Variants in MARCHF1 observed in about 807,000 individuals in gnomAD.
MARCHF1 encodes the protein membrane associated ring-CH-type finger 1, also known as E3 ubiquitin-protein ligase MARCHF1.
In MARCHF1, 40 loss-of-function variants were observed where a neutral mutation model predicts 54.2. That is an observed-to-expected ratio of 0.74 (90% confidence interval 0.57 to 0.96). MARCHF1 has a LOEUF of 0.96. Ranked by LOEUF, MARCHF1 falls within the 40% of genes least tolerant of loss-of-function variation. MARCHF1 has a pLI of 0.00. For missense variants in MARCHF1, 586 were observed against 656.5 expected (o/e 0.89, Z 1.17); for synonymous variants, 236 against 236.3 (o/e 1.00, Z 0.01).
chr4:164,220,399 A>G (rs1256908331), intron 1 of MARCHF1, among the ~76,000 whole-genome samples: 1 of 146,910 alleles, frequency 6.8e-6, no homozygotes, highest in East Asian at 2.0e-4. Context: ...GTATATAGGA[A>G]TTCCATTTTA....
intron 4 of MARCHF1, among the ~76,000 whole-genome samples, chr4:163,726,634 A>G (rs916330398): frequency 2.6e-5 from 4 of 152,204 alleles, no homozygotes; most frequent in Admixed American, 6.5e-5. Flanking sequence ...AAGAAGCACA[A>G]TTACTAGACT....
intron 3 of MARCHF1, among the ~76,000 whole-genome samples, chr4:163,962,961 C>A (rs1037670950): frequency 6.6e-6 from 1 of 151,836 alleles, no homozygotes; most frequent in Non-Finnish European, 1.5e-5. Context: ...TCAATACATT[C>A]TAAAAAATAT....
intron 1 of MARCHF1, among the ~76,000 whole-genome samples, chr4:164,264,852 G>A (rs535762201): frequency 6.6e-6 from 1 of 151,592 alleles, no homozygotes; most frequent in South Asian, 2.1e-4. Flanking sequence ...CCCAGGAGGT[G>A]GAGTTTACAG....
chr4:164,351,478 G>A (rs1730331461), intron 1 of MARCHF1, among the ~76,000 whole-genome samples: 1 of 151,344 alleles, frequency 6.6e-6, no homozygotes, highest in Non-Finnish European at 1.5e-5. Context: ...AGCCTAACTG[G>A]GAGGCACCCC....
chr4:163,574,274 C>T (rs1353532193), intron 8 of MARCHF1, among the ~76,000 whole-genome samples: 1 of 152,096 alleles, frequency 6.6e-6, no homozygotes, highest in African/African-American at 2.4e-5. Flanking sequence ...TGCCTGTTCA[C>T]TCTGATGGTA....
chr4:163,632,572 C>A (rs1162902702), intron 5 of MARCHF1, among the ~76,000 whole-genome samples: 1 of 152,226 alleles, frequency 6.6e-6, no homozygotes, highest in Non-Finnish European at 1.5e-5. Flanking sequence ...AAGATTATAT[C>A]CCGCACCTGG....
intron 4 of MARCHF1, among the ~76,000 whole-genome samples, chr4:163,846,973 G>C (rs1749500183): frequency 1.3e-5 from 2 of 152,102 alleles, no homozygotes; most frequent in African/African-American, 4.8e-5. Flanking sequence ...GAGAATGGCA[G>C]TGTTTATGAA....
At chr4:164,106,969 A>G (rs1467472655) in intron 2 of MARCHF1, among the ~76,000 whole-genome samples, 1 of 152,136 alleles carries the variant, frequency 6.6e-6, no homozygotes, top group Admixed American at 6.5e-5. Flanking sequence ...GATCTTTGCT[A>G]TAGTTTACAA....
intron 1 of MARCHF1, among the ~76,000 whole-genome samples, chr4:164,268,947 G>C (rs964365952): frequency 6.6e-6 from 1 of 152,132 alleles, no homozygotes; most frequent in East Asian, 1.9e-4. Context: ...TCAGAATTCT[G>C]AGAAGCTTGA....
chr4:164,318,825 T>C (rs1735064895), intron 1 of MARCHF1, among the ~76,000 whole-genome samples: 1 of 152,184 alleles, frequency 6.6e-6, no homozygotes. Context: ...AAAGTACTTG[T>C]TATAAAAAAA....
In MARCHF1 at chr4:163,868,469, T is replaced by C. The variant is rs545705251; in HGVS notation, c.-38-14300A>G. On this transcript the variant is annotated intron_variant, in intron 3 of 9. Transcript: ENST00000514618. ...ATATATTGTGGAAAATATTCAACAG[T>C]TGATTCTAAAAGAGAAAAATAAAAC... 2.6e-4 allele frequency among the ~76,000 whole-genome samples: 39 copies of C among 152,098 alleles called. 1 individual carries two copies. The highest frequency in any genetic ancestry group is 9.4e-4 in the African/African-American group (39 of 41,530).
intron 7 of MARCHF1, among the ~76,000 whole-genome samples, chr4:163,592,670 T>C (rs1442665253): frequency 1.3e-5 from 2 of 152,114 alleles, no homozygotes; most frequent in African/African-American, 2.4e-5. Context: ...GAAGATTCTA[T>C]TGGAATTGCT....
chr4:164,098,323 TA>T (rs1442131384), intron 2 of MARCHF1, among the ~76,000 whole-genome samples: 1 of 152,190 alleles, frequency 6.6e-6, no homozygotes, highest in African/African-American at 2.4e-5. Context: ...TAGCTTCTTC[TA>T]AATCTAATGG....
At chr4:164,073,599 A>G (rs1041948745) in intron 2 of MARCHF1, among the ~76,000 whole-genome samples, 1 of 152,084 alleles carries the variant, frequency 6.6e-6, no homozygotes, top group Non-Finnish European at 1.5e-5. Flanking sequence ...TACCTATATA[A>G]CAAACCTGCA....
At chr4:164,213,232 T>C (rs1027076592) in intron 1 of MARCHF1, among the ~76,000 whole-genome samples, 21 of 145,486 alleles carry the variant, frequency 1.4e-4, no homozygotes, top group African/African-American at 4.7e-4. Context: ...TTATTATTAT[T>C]ATTATTATTA....
chr4:163,532,970 TG>T (rs901350319), intron 9 of MARCHF1, among the ~76,000 whole-genome samples: 5 of 151,974 alleles, frequency 3.3e-5, no homozygotes, highest in African/African-American at 1.2e-4. Context: ...TTTTTTACAA[TG>T]GTAACCACAG....
intron 4 of MARCHF1, among the ~76,000 whole-genome samples, chr4:163,809,717 T>A (rs1748330059): frequency 6.6e-6 from 1 of 151,218 alleles, no homozygotes; most frequent in Non-Finnish European, 1.5e-5. Context: ...ATACATGTAT[T>A]TACACATACA....
chr4:163,694,633 C>A (rs1312493782), intron 5 of MARCHF1, among the ~76,000 whole-genome samples: 2 of 152,124 alleles, frequency 1.3e-5, no homozygotes, highest in Non-Finnish European at 1.5e-5. Context: ...AAATTATCAT[C>A]TCAGGATCTG....
intron 5 of MARCHF1, among the ~76,000 whole-genome samples, chr4:163,632,296 G>A (rs367983596): frequency 2.6e-5 from 4 of 152,198 alleles, no homozygotes; most frequent in East Asian, 3.9e-4. Context: ...CCTGAGCGAC[G>A]CAGAAGACGG....
Sources: allele counts gnomAD v4.1 joint callset (sites outside exome capture counted in the v4.1 genomes callset), GRCh38; gene constraint gnomAD v4.1.1; transcripts MANE v1.5; gene names NCBI Gene and HGNC (gene_info 2026-07-23, HGNC 2026-07-21).